ADAM12: variants seen among roughly 807,000 people sequenced by gnomAD.
The protein encoded by ADAM12 is ADAM metallopeptidase domain 12.
Under a neutral mutation model 106.4 loss-of-function variants are expected in ADAM12, and 70 were observed. That is an observed-to-expected ratio of 0.66 (90% confidence interval 0.54 to 0.80). ADAM12 has a LOEUF of 0.80. Ranked by LOEUF, ADAM12 falls within the 30% of genes least tolerant of loss-of-function variation. The probability of loss-of-function intolerance (pLI) is 0.00; values close to 1 mark genes in which losing one functional copy is unlikely to be tolerated. For synonymous variants in ADAM12, 420 were observed against 433.5 expected (o/e 0.97, Z 0.39); for missense variants, 1,010 against 1,171.9 (o/e 0.86, Z 2.02).
At chr10:126,169,780 A>G (rs1957086758) in intron 3 of ADAM12, among the ~76,000 whole-genome samples, 1 of 152,212 alleles carries the variant, frequency 6.6e-6, no homozygotes, top group Non-Finnish European at 1.5e-5. Flanking sequence ...GAATTAAAAA[A>G]AAGTTCAGCC....
intron 21 of ADAM12, among the ~76,000 whole-genome samples, chr10:126,034,269 A>AATT (rs1359487629): frequency 4.6e-5 from 7 of 151,782 alleles, no homozygotes; most frequent in Admixed American, 1.3e-4. Context: ...TTGGAAACAT[A>AATT]ATTACACATG....
chr10:126,182,367 G>C (rs1431355766), intron 3 of ADAM12, among the ~76,000 whole-genome samples: 1 of 151,944 alleles, frequency 6.6e-6, no homozygotes, highest in East Asian at 1.9e-4. Flanking sequence ...CGTACAAATG[G>C]AATTTCCTTA....
chr10:126,190,255 G>A (rs1957475368), intron 3 of ADAM12, among the ~76,000 whole-genome samples: 1 of 151,042 alleles, frequency 6.6e-6, no homozygotes, highest in East Asian at 2.0e-4. Flanking sequence ...AGCCTGGAGT[G>A]CAGTGGCATG....
intron 8 of ADAM12, among the ~76,000 whole-genome samples, chr10:126,105,473 T>C (rs1300903279): frequency 6.6e-6 from 1 of 152,120 alleles, no homozygotes; most frequent in Non-Finnish European, 1.5e-5. Context: ...CACCTTGGAG[T>C]GGCACCTGCG....
At position 126,155,372 on chromosome 10, in the gene ADAM12, T is replaced by C. The variant is rs1956796426; in HGVS notation, c.261-67A>G. 6.9e-6 allele frequency: 10 copies of C among 1,445,608 alleles called. No homozygotes were observed. In the South Asian group the frequency reaches 1.2e-4, roughly 17 times the overall value. The allele number at this position is 1,445,608 out of a possible 1,614,324, so 89.5% of individuals were successfully genotyped here. A position where few individuals can be genotyped will look rare whatever the true frequency, so the allele number is the denominator to read the frequency against. On this transcript the variant is annotated intron_variant, in intron 3 of 22. Coordinates refer to ENST00000448723, the MANE Select transcript of ADAM12 (RefSeq NM_001288973.2). ...TTGCATTGATACATTGTTGTGAATG[T>C]CTAGGCTATAGGGTAGCAAGATTGT...
In ADAM12 at chr10:126,066,910, G is replaced by C. The variant is rs1590362632; in HGVS notation, c.1324-104C>G. On this transcript the variant is annotated intron_variant, in intron 12 of 22. Transcript: ENST00000448723. This position sits in a 1 kb window ranked among gnomAD's most constrained non-coding sequence, Gnocchi z 5.1. ...GGCTGCAAAAAGCAAGAAAGACCAA[G>C]AGGGCCCAGCTCCTGAACTGCACAC... The C allele has an allele frequency of 3.6e-6, 4 of 1,101,198 alleles. No homozygotes were observed. The East Asian group carries it at 1.0e-4, about 28-fold the overall frequency. The allele number at this position is 1,101,198 out of a possible 1,614,324, so 68.2% of individuals were successfully genotyped here.
chr10:126,183,717 T>C (rs746175032), intron 3 of ADAM12, among the ~76,000 whole-genome samples: 5 of 152,244 alleles, frequency 3.3e-5, no homozygotes, highest in Non-Finnish European at 7.3e-5. Context: ...TGGCTTCATC[T>C]TTCCCCAAAG....
chr10:126,375,697 T>TAAAA (rs34602029), intron 1 of ADAM12, among the ~76,000 whole-genome samples: 3 of 138,618 alleles, frequency 2.2e-5, no homozygotes, highest in African/African-American at 7.9e-5. Flanking sequence ...TCATTAAAGT[T>TAAAA]AAAAAAAAAA....
At chr10:126,216,531 C>A (rs907350621) in intron 3 of ADAM12, among the ~76,000 whole-genome samples, 17 of 152,336 alleles carry the variant, frequency 1.1e-4, no homozygotes, top group African/African-American at 4.1e-4. Context: ...TCTGTTGTTT[C>A]AGCCTCAAGA....
intron 17 of ADAM12, among the ~76,000 whole-genome samples, chr10:126,045,497 C>T (rs958090922): frequency 6.6e-6 from 1 of 152,166 alleles, no homozygotes; most frequent in Non-Finnish European, 1.5e-5. Flanking sequence ...TGTGGTTAAT[C>T]AAGACTAATA....
chr10:126,177,042 G>GCACACACA lies in ADAM12; in HGVS notation c.261-21745_261-21738dup, dbSNP rs150341109. Among the ~76,000 whole-genome samples the GCACACACA allele has an allele frequency of 4.2e-3, 626 of 150,794 alleles. 3 individuals are homozygous for GCACACACA. The highest frequency in any genetic ancestry group is 0.014 in the African/African-American group (588 of 41,064). Reference sequence around the variant, plus strand: ...AAAGTGTATGTGTGTGTGCACATGTGCACACACACACACACGCACACACAC... The same window carrying GCACACACA: ...AAAGTGTATGTGTGTGTGCACATGTGCACACACACACACACACACACACGCACACACAC... On this transcript the variant is annotated intron_variant, in intron 3 of 22. Transcript: ENST00000448723.
intron 14 of ADAM12, among the ~76,000 whole-genome samples, chr10:126,060,710 C>T (rs889602112): frequency 3.3e-5 from 5 of 152,228 alleles, no homozygotes; most frequent in African/African-American, 1.2e-4. Context: ...GAGGAAGTCA[C>T]CTCCGCTCCC....
chr10:126,126,317 C>T (rs1038216709), intron 5 of ADAM12, among the ~76,000 whole-genome samples: 1 of 152,064 alleles, frequency 6.6e-6, no homozygotes, highest in Non-Finnish European at 1.5e-5. Flanking sequence ...TTCAGGATCC[C>T]CAGCATCTAG....
chr10:126,387,655 G>A (rs953596032), intron 1 of ADAM12, among the ~76,000 whole-genome samples: 31 of 152,274 alleles, frequency 2.0e-4, no homozygotes, highest in African/African-American at 7.5e-4. Context: ...ACCTGGTGAA[G>A]GGCTGGCCCG....
At chr10:126,030,270 G>C (rs898068870) in intron 21 of ADAM12, among the ~76,000 whole-genome samples, 1 of 152,120 alleles carries the variant, frequency 6.6e-6, no homozygotes, top group African/African-American at 2.4e-5. Context: ...GGGTAGATAG[G>C]GTTTCACTGT....
chr10:126,163,013 C>T (rs886229655), intron 3 of ADAM12, among the ~76,000 whole-genome samples: 1 of 152,088 alleles, frequency 6.6e-6, no homozygotes, highest in Non-Finnish European at 1.5e-5. Context: ...GCACCTCCTC[C>T]TCCCACCCCT....
At chr10:126,100,377 T>A (rs1955639236) in intron 9 of ADAM12, among the ~76,000 whole-genome samples, 1 of 152,036 alleles carries the variant, frequency 6.6e-6, no homozygotes, top group Admixed American at 6.6e-5. Flanking sequence ...TGTATAAACA[T>A]ACATTTTCCA....
chr10:126,087,559 C>G (rs1332721705), intron 11 of ADAM12, among the ~76,000 whole-genome samples: 3 of 152,076 alleles, frequency 2.0e-5, no homozygotes, highest in Non-Finnish European at 4.4e-5. Context: ...TTTTCTTAAA[C>G]TTTTCATTGA....
intron 3 of ADAM12, among the ~76,000 whole-genome samples, chr10:126,274,967 G>T (rs1183479376): frequency 6.6e-6 from 1 of 152,166 alleles, no homozygotes. Flanking sequence ...ACTAATTAAA[G>T]TTGCCCTGTA....
Sources: allele counts gnomAD v4.1 joint callset (sites outside exome capture counted in the v4.1 genomes callset), GRCh38; gene constraint gnomAD v4.1.1; non-coding constraint Gnocchi (gnomAD v3.1); transcripts MANE v1.5; gene names NCBI Gene and HGNC (gene_info 2026-07-23, HGNC 2026-07-21).